DUSP10: variants seen among roughly 807,000 people sequenced by gnomAD.
The protein encoded by DUSP10 is dual specificity phosphatase 10.
Under a neutral mutation model 30.8 loss-of-function variants are expected in DUSP10, and 14 were observed. The ratio of observed to expected loss-of-function variants is 0.46; its 90% CI spans 0.30 to 0.71. The LOEUF is 0.71. Among genes scored for constraint, DUSP10 ranks in the 30% least tolerant of loss-of-function variants. The pLI, the probability that DUSP10 is intolerant of heterozygous loss-of-function variation, is 0.08. For missense variants in DUSP10, 550 were observed against 619.4 expected (o/e 0.89, Z 1.19); for synonymous variants, 254 against 250.4 (o/e 1.01, Z -0.14).
rs901361312 is a variant in DUSP10 at position 221,708,368 on chromosome 1, T to G, written c.812-1902A>C. ...TCCAGACCATAACCTAGACCGAGTC[T>G]CATGACTTTTCACAACCAATGGACC... is the stretch of plus-strand genomic sequence containing the variant. On this transcript the variant is annotated intron_variant, in intron 2 of 3. Transcript: ENST00000366899. 3.9e-5 allele frequency among the ~76,000 whole-genome samples: 6 copies of G among 152,222 alleles called. No homozygotes were observed. In the South Asian group the frequency reaches 1.2e-3, roughly 32 times the overall value.
At chr1:221,732,186 T>C (rs1050207829) in intron 2 of DUSP10, among the ~76,000 whole-genome samples, 3 of 152,234 alleles carry the variant, frequency 2.0e-5, no homozygotes, top group Non-Finnish European at 2.9e-5. Context: ...ACAATATTTA[T>C]TGAACAAACA....
rs924407580 is a variant in DUSP10 at position 221,736,958 on chromosome 1, T to C, written c.811+1976A>G. 3 of 985,374 alleles carry C rather than the reference T, an allele frequency of 3.0e-6. No homozygotes were observed. The African/African-American group carries it at 5.2e-5, about 17-fold the overall frequency. The allele number at this position is 985,374 out of a possible 1,614,324, so 61.0% of individuals were successfully genotyped here. A position where few individuals can be genotyped will look rare whatever the true frequency, so the allele number is the denominator to read the frequency against. On this transcript the variant is annotated intron_variant, in intron 2 of 3. Transcript: ENST00000366899. ...CAGTGGTGAGGTCAGCAGTGTGTCC[T>C]GCCCCGCCCCATTGAGGCAATCTTA...
rs1294807450 is a variant in DUSP10 at position 221,734,888 on chromosome 1, G to T, written c.811+4046C>A. Among the ~76,000 whole-genome samples, 14 of 152,128 alleles carry T rather than the reference G, an allele frequency of 9.2e-5. 1 individual carries two copies. The highest frequency in any genetic ancestry group is 9.2e-4 in the Admixed American group (14 of 15,278). On this transcript the variant is annotated intron_variant, in intron 2 of 3. Coordinates refer to ENST00000366899, the MANE Select transcript of DUSP10 (RefSeq NM_007207.6). ...TCCTCATAACATCTCTGAGAGAAAA[G>T]GGGAGACTTTTATTCCCTTCCCCAC...
At position 221,706,303 on chromosome 1, in the gene DUSP10, G is replaced by A; in HGVS notation, c.975C>T (p.Ile325=). The change falls in exon 3 of 4, where the codon ATC becomes ATT. Residue 325 remains isoleucine (I), a synonymous_variant. Transcript: ENST00000366899. This position sits in a 1 kb window ranked among gnomAD's most constrained non-coding sequence, Gnocchi z 4.6. The stretch of plus-strand genomic sequence containing the variant: ...CATTGCCAAGGAACAGGAAGGGCAA[G>A]ATGGGGGTGAGCTCAGCGTTCTCGA... ...PDIENAELTP[I]LPFLFLGNEQ... 6.2e-7 allele frequency: 1 copy of A among 1,614,200 alleles called. No individual in the cohort carries two copies.
At chr1:221,730,849 T>C (rs1661570986) in intron 2 of DUSP10, among the ~76,000 whole-genome samples, 1 of 152,178 alleles carries the variant, frequency 6.6e-6, no homozygotes, top group Non-Finnish European at 1.5e-5. Flanking sequence ...TATATCTATA[T>C]GTAACTCCAA....
chr1:221,738,859 C>T (rs562962953), intron 2 of DUSP10, 75 bp downstream of exon 2: 5 of 1,508,976 alleles, frequency 3.3e-6, no homozygotes, highest in East Asian at 2.3e-5. Context: ...AAGGAGAATG[C>T]TGTCACTCTA....
intron 2 of DUSP10, among the ~76,000 whole-genome samples, chr1:221,727,930 G>T: frequency 6.6e-6 from 1 of 152,064 alleles, no homozygotes; most frequent in African/African-American, 2.4e-5. Context: ...AAACTTAATT[G>T]TCACTGTAGC....
chr1:221,739,452 G>T lies in DUSP10; in HGVS notation c.293C>A (p.Ala98Asp), dbSNP rs1661884012. The change falls in exon 2 of 4, where the codon GCC (alanine) becomes GAC (aspartate). Residue 98 changes from alanine to aspartate, a missense_variant. Physicochemically the swap from Ala to Asp is moderately radical, Grantham distance 126 (BLOSUM62 -2). Coordinates refer to ENST00000366899, the MANE Select transcript of DUSP10 (RefSeq NM_007207.6). ...KDNQAQTQAI[A>D]AGTTTTAIGT... The stretch of plus-strand genomic sequence containing the variant: ...GATGGCAGTGGTGGTGGTGCCAGCG[G>T]CAATGGCTTGGGTTTGGGCCTGATT... The T allele has an allele frequency of 2.5e-6, 4 of 1,614,210 alleles. No homozygotes were observed. The East Asian group carries it at 6.7e-5, about 27-fold the overall frequency.
At chr1:221,720,117 C>A (rs995752744) in intron 2 of DUSP10, among the ~76,000 whole-genome samples, 4 of 152,154 alleles carry the variant, frequency 2.6e-5, no homozygotes, top group African/African-American at 9.7e-5. Flanking sequence ...TATATTTGAT[C>A]TCTGCCCCTG....
intron 2 of DUSP10, among the ~76,000 whole-genome samples, chr1:221,708,296 T>A (rs1660827175): frequency 6.6e-6 from 1 of 152,216 alleles, no homozygotes; most frequent in Non-Finnish European, 1.5e-5. Context: ...CTGGCATATG[T>A]TCTTCTCCAT....
At chr1:221,705,429 C>A (rs954390947) in intron 3 of DUSP10, among the ~76,000 whole-genome samples, 2 of 152,160 alleles carry the variant, frequency 1.3e-5, no homozygotes, top group African/African-American at 4.8e-5. Flanking sequence ...AGTCTTATAG[C>A]AGTTTGGGGC....
chr1:221,736,894 C>T (rs1661790971), intron 2 of DUSP10: 2 of 985,330 alleles, frequency 2.0e-6, no homozygotes, highest in Non-Finnish European at 2.4e-6. Flanking sequence ...CTCACCAACT[C>T]GAAAATGACG....
At chr1:221,710,964 A>C (rs1660918870) in intron 2 of DUSP10, among the ~76,000 whole-genome samples, 1 of 152,188 alleles carries the variant, frequency 6.6e-6, no homozygotes, top group Non-Finnish European at 1.5e-5. Context: ...GGGGGCAGCA[A>C]ACATTTTCAA....
chr1:221,704,046 C>G (rs1660687770), intron 3 of DUSP10, among the ~76,000 whole-genome samples: 1 of 151,034 alleles, frequency 6.6e-6, no homozygotes, highest in Non-Finnish European at 1.5e-5. Flanking sequence ...CTTCTGAGTG[C>G]CTGGCTGGAC....
chr1:221,734,022 A>G (rs762287226), intron 2 of DUSP10, among the ~76,000 whole-genome samples: 62 of 152,272 alleles, frequency 4.1e-4, no homozygotes, highest in Non-Finnish European at 7.2e-4. Flanking sequence ...GGAGCAGGCC[A>G]TTCAACTCCT....
At chr1:221,725,168 C>T (rs1465856412) in intron 2 of DUSP10, among the ~76,000 whole-genome samples, 2 of 152,150 alleles carry the variant, frequency 1.3e-5, no homozygotes, top group African/African-American at 4.8e-5. Flanking sequence ...GCTAGCTGCA[C>T]CCAGCCAATC....
intron 2 of DUSP10, among the ~76,000 whole-genome samples, chr1:221,726,331 T>G (rs921757239): frequency 6.6e-6 from 1 of 152,210 alleles, no homozygotes; most frequent in Non-Finnish European, 1.5e-5. Flanking sequence ...TACCAAAACC[T>G]TGGAAACAAT....
At chr1:221,712,054 G>A (rs890142145) in intron 2 of DUSP10, among the ~76,000 whole-genome samples, 10 of 152,142 alleles carry the variant, frequency 6.6e-5, no homozygotes, top group East Asian at 3.9e-4. Context: ...GTACCAGCTC[G>A]ATCCACAAAG....
intron 2 of DUSP10, among the ~76,000 whole-genome samples, chr1:221,717,204 C>T (rs1661130416): frequency 6.6e-6 from 1 of 152,084 alleles, no homozygotes; most frequent in Non-Finnish European, 1.5e-5. Context: ...GGGAACACCA[C>T]ACTGGGAAAG....
Sources: gnomAD v4.1 joint callset for allele counts (sites outside exome capture counted in the v4.1 genomes callset) on GRCh38, gnomAD v4.1.1 for gene constraint, Gnocchi (gnomAD v3.1) non-coding constraint, MANE v1.5 for transcripts, NCBI Gene and HGNC (gene_info 2026-07-23, HGNC 2026-07-21) for gene names.